The following GSE1 variants were observed in gnomAD, a reference collection of about 807,000 sequenced individuals.
GSE1 encodes genetic suppressor element 1.
A neutral mutation model predicts 112.6 loss-of-function variants in GSE1; 32 were observed. The ratio of observed to expected loss-of-function variants is 0.28; its 90% CI spans 0.21 to 0.38. GSE1 has a LOEUF of 0.38. Ranked by LOEUF, GSE1 falls within the 10% of genes least tolerant of loss-of-function variation. The pLI, the probability that GSE1 is intolerant of heterozygous loss-of-function variation, is 1.00. For missense variants in GSE1, 2,348 were observed against 1,699.2 expected (o/e 1.38, Z -6.71); for synonymous variants, 1,115 against 735.6 (o/e 1.52, Z -8.35).
In GSE1 at chr16:85,486,349, G is replaced by A. The variant is rs531902419; in HGVS notation, c.2464+128706G>A. Among the ~76,000 whole-genome samples the A allele has an allele frequency of 6.3e-4, 96 of 152,178 alleles. 2 individuals are homozygous for A. The highest frequency in any genetic ancestry group is 2.0e-3 in the African/African-American group (84 of 41,518). On this transcript the variant is annotated intron_variant, in intron 2 of 2. Coordinates refer to the GSE1 transcript ENST00000637419. ...TGCACGCATGTTGTCACGTGCACAC[G>A]AGCCCGGGAAGCCTTCCAAGGGCAG... is the stretch of plus-strand genomic sequence containing the variant.
chr16:85,531,270 T>C (rs1181363339), intron 2 of GSE1, among the ~76,000 whole-genome samples: 2 of 152,180 alleles, frequency 1.3e-5, no homozygotes, highest in African/African-American at 2.4e-5. Flanking sequence ...CCATCTGTCC[T>C]GTGTCCTGTG....
intron 2 of GSE1, among the ~76,000 whole-genome samples, chr16:85,413,534 C>G (rs541366561): frequency 9.2e-5 from 14 of 152,132 alleles, no homozygotes; most frequent in Non-Finnish European, 1.6e-4. Context: ...CCGGTGGTCT[C>G]CAGACTTCCT....
chr16:85,325,577 G>T (rs2046209559), intron 1 of GSE1, among the ~76,000 whole-genome samples: 1 of 151,360 alleles, frequency 6.6e-6, no homozygotes, highest in Admixed American at 6.6e-5. Flanking sequence ...TCAGCCTCTG[G>T]AATAGCAGGG....
At chr16:85,170,702 C>T (rs2143112890) in exon 1 of GSE1, 17 of 985,748 alleles carry the variant, frequency 1.7e-5, no homozygotes, top group South Asian at 9.4e-5. Context: ...GAGAAGCTGG[C>T]TCAGGCCCCG....
intron 2 of GSE1, among the ~76,000 whole-genome samples, chr16:85,646,358 TCTGTCCCCGTGGG>T (rs2151855293): frequency 6.6e-6 from 1 of 152,386 alleles, no homozygotes; most frequent in South Asian, 2.1e-4. Flanking sequence ...GATGGCAGCA[TCTGTCCCCGTGGG>T]CCCAAGTGCA....
chr16:85,485,760 G>C (rs1197022041), intron 2 of GSE1, among the ~76,000 whole-genome samples: 2 of 152,108 alleles, frequency 1.3e-5, no homozygotes, highest in Non-Finnish European at 2.9e-5. Context: ...CGCTCCTGGG[G>C]AGCCTGATGC....
chr16:85,444,906 G>C (rs115349350), intron 2 of GSE1, among the ~76,000 whole-genome samples: 1 of 152,110 alleles, frequency 6.6e-6, no homozygotes, highest in African/African-American at 2.4e-5. Flanking sequence ...GCCCCTTCCC[G>C]CGGCGCTGGC....
rs1382119060 is a variant in GSE1 at position 85,199,441 on chromosome 16, AGACTT to A, written c.2283+27637_2283+27641del. On this transcript the variant is annotated intron_variant, in intron 1 of 2. Transcript: ENST00000637419. The stretch of plus-strand genomic sequence containing the variant: ...CACGGGGCCGAGTCTTCTGACCAAA[AGACTT>A]GAAGGAGGGCGATGTGTTTATTTTA... Among the ~76,000 whole-genome samples, 6 of 152,226 alleles carry A rather than the reference AGACTT, an allele frequency of 3.9e-5. No homozygotes were observed. The East Asian group carries it at 9.6e-4, about 24-fold the overall frequency.
intron 2 of GSE1, among the ~76,000 whole-genome samples, chr16:85,453,602 T>C (rs969947268): frequency 3.2e-4 from 48 of 152,144 alleles, no homozygotes; most frequent in African/African-American, 1.2e-3. Context: ...AGGGCAGGGC[T>C]TGGTTTGTGC....
chr16:85,334,266 C>T lies in GSE1; in HGVS notation c.2284-23197C>T, dbSNP rs138731708. On this transcript the variant is annotated intron_variant, in intron 1 of 2. Transcript: ENST00000637419. ...CCAGAGTGTGGATGTGGAGCTGCCA[C>T]TTGCCACCTGGTGGCCCTGGGCCTC... Among the ~76,000 whole-genome samples the T allele has an allele frequency of 1.9e-3, 285 of 152,376 alleles. 4 individuals are homozygous for T. Among genetic ancestry groups the T allele is most frequent in the African/African-American group, 6.7e-3 (278 of 41,588 alleles).
At chr16:85,658,531 C>A (rs1304222635) in intron 8 of GSE1, among the ~76,000 whole-genome samples, 1 of 152,214 alleles carries the variant, frequency 6.6e-6, no homozygotes, top group Admixed American at 6.5e-5. Context: ...TCTGTCCTCC[C>A]TTCTGCCTGC....
intron 1 of GSE1, among the ~76,000 whole-genome samples, chr16:85,226,576 T>G (rs1356287966): frequency 6.6e-6 from 1 of 152,102 alleles, no homozygotes; most frequent in East Asian, 1.9e-4. Context: ...TCTTACGTCC[T>G]TGGGCCTCGG....
chr16:85,656,800 T>A (rs532062393), intron 7 of GSE1, 135 bp downstream of exon 7: 1 of 1,269,794 alleles, frequency 7.9e-7, no homozygotes, highest in Non-Finnish European at 1.1e-6. Flanking sequence ...GTGGTGTGGC[T>A]GAACATGGAG....
chr16:85,280,905 G>A (rs1456189671), intron 1 of GSE1, among the ~76,000 whole-genome samples: 12 of 152,114 alleles, frequency 7.9e-5, no homozygotes, highest in African/African-American at 1.2e-4. Flanking sequence ...AGAGGGTCCC[G>A]TGGGTCCTCG....
At chr16:85,179,088 C>T (rs1008676815) in intron 1 of GSE1, among the ~76,000 whole-genome samples, 2 of 152,114 alleles carry the variant, frequency 1.3e-5, no homozygotes, top group South Asian at 2.1e-4. Flanking sequence ...TGTGCACCAC[C>T]ATGACTGTCC....
At chr16:85,477,670 C>T (rs986710333) in intron 2 of GSE1, among the ~76,000 whole-genome samples, 7 of 151,476 alleles carry the variant, frequency 4.6e-5, no homozygotes, top group Admixed American at 4.6e-4. Flanking sequence ...AAGTGATTCT[C>T]CTGCTTCAGC....
intron 1 of GSE1, among the ~76,000 whole-genome samples, chr16:85,568,046 G>C (rs937841743): frequency 6.6e-6 from 1 of 152,170 alleles, no homozygotes; most frequent in East Asian, 1.9e-4. Flanking sequence ...TCTTAATGGG[G>C]GAATGGTACC....
At chr16:85,647,049 G>C (rs996388693) in intron 2 of GSE1, among the ~76,000 whole-genome samples, 1 of 152,178 alleles carries the variant, frequency 6.6e-6, no homozygotes, top group South Asian at 2.1e-4. Context: ...GGGAGCCCTG[G>C]TCTGAGAAGG....
At chr16:85,240,288 G>GGAATCCC (rs1249788128) in intron 1 of GSE1, among the ~76,000 whole-genome samples, 1 of 152,224 alleles carries the variant, frequency 6.6e-6, no homozygotes, top group Non-Finnish European at 1.5e-5. Context: ...TTCCCCAGCT[G>GGAATCCC]GAATCCCACA....
Sources: gnomAD v4.1 joint callset for allele counts (sites outside exome capture counted in the v4.1 genomes callset) on GRCh38, gnomAD v4.1.1 for gene constraint, MANE v1.5 for transcripts, NCBI Gene and HGNC (gene_info 2026-07-23, HGNC 2026-07-21) for gene names.